BOD1L1: variants seen among roughly 807,000 people sequenced by gnomAD.
The protein encoded by BOD1L1 is biorientation of chromosomes in cell division 1 like 1, also known as biorientation of chromosomes in cell division protein 1-like 1.
Under a neutral mutation model 240.7 loss-of-function variants are expected in BOD1L1, and 86 were observed. The ratio of observed to expected loss-of-function variants is 0.36; its 90% CI spans 0.30 to 0.43. The LOEUF (loss-of-function observed/expected upper bound fraction) is 0.43. Among genes scored for constraint, BOD1L1 ranks in the 20% least tolerant of loss-of-function variants. The probability of loss-of-function intolerance (pLI) is 1.00; values close to 1 mark genes in which losing one functional copy is unlikely to be tolerated. For synonymous variants in BOD1L1, 1,268 were observed against 1,272.3 expected (o/e 1.00, Z 0.07); for missense variants, 3,554 against 3,643.5 (o/e 0.98, Z 0.63).
At chr4:13,606,838 T>C (rs533871856) in intron 9 of BOD1L1, among the ~76,000 whole-genome samples, 1 of 152,270 alleles carries the variant, frequency 6.6e-6, no homozygotes, top group African/African-American at 2.4e-5. Context: ...TCCCTTTTTC[T>C]TTTTTTGTCA....
In BOD1L1 at chr4:13,582,659, T is replaced by A; in HGVS notation, c.8511A>T (p.Glu2837Asp). 6.2e-7 allele frequency: 1 copy of A among 1,610,424 alleles called. No individual in the cohort carries two copies. The highest frequency in any genetic ancestry group is 8.5e-7 in the Non-Finnish European group (1 of 1,176,962). Residue 2837 changes from glutamate to aspartate, a missense_variant, in exon 18 of 26, where the codon GAA becomes GAT. Glu to Asp is a conservative substitution (Grantham distance 45). Around this residue, in one of 2 missense-constraint regions of BOD1L1, gnomAD observed 3,393 missense variants for 3,427.1 expected, o/e 0.99. Coordinates refer to ENST00000040738, the MANE Select transcript of BOD1L1 (RefSeq NM_148894.3). ...ETNSTTSRVM[E>D]EKDEYSSSET... The stretch of plus-strand genomic sequence containing the variant: ...AGCAGATATTTTACTCACCTTTTTC[T>A]TCCATGACCCTTGAGGTAGTGCTAT...
At chr4:13,576,750 G>T in intron 25 of BOD1L1, 88 bp downstream of exon 25, 1 of 1,481,420 alleles carries the variant, frequency 6.8e-7, no homozygotes, top group South Asian at 1.3e-5. Context: ...GAATGATTCA[G>T]TTCAAAGAGA....
At position 13,627,600 on chromosome 4, in the gene BOD1L1, C is replaced by A; in HGVS notation, c.-13G>T. 8.7e-7 allele frequency: 1 copy of A among 1,148,818 alleles called. No individual in the cohort carries two copies. The allele number at this position is 1,148,818 out of a possible 1,614,324, so 71.2% of individuals were successfully genotyped here. A position where few individuals can be genotyped will look rare whatever the true frequency, so the allele number is the denominator to read the frequency against. ...GGTTGGTGGCCATGGTGGCCTGTGCCGGGGAGGGCAAGGGCCCTGACCGGC... is the reference window on the plus strand; with the variant it reads ...GGTTGGTGGCCATGGTGGCCTGTGCAGGGGAGGGCAAGGGCCCTGACCGGC... On this transcript the variant is annotated 5_prime_UTR_variant, in exon 1 of 26. Coordinates refer to ENST00000040738, the MANE Select transcript of BOD1L1 (RefSeq NM_148894.3).
chr4:13,586,407 G>A lies in BOD1L1; in HGVS notation c.8422C>T (p.His2808Tyr), dbSNP rs777221447. 2.5e-6 allele frequency: 4 copies of A among 1,610,834 alleles called. No homozygotes were observed. In the African/African-American group the frequency reaches 4.0e-5, roughly 16 times the overall value. The change falls in exon 17 of 26, where the codon CAT becomes TAT. Residue 2808 changes from histidine to tyrosine, a missense_variant. Physicochemically the swap from His to Tyr is moderately conservative, Grantham distance 83. Around this residue, in one of 2 missense-constraint regions of BOD1L1, gnomAD observed 3,393 missense variants for 3,427.1 expected, o/e 0.99. Coordinates refer to ENST00000040738, the MANE Select transcript of BOD1L1 (RefSeq NM_148894.3). ...AQRQCPETEPHDTKEENSRDL... is the reference protein window; with the variant it reads ...AQRQCPETEPYDTKEENSRDL... ...TGTGGAAAAAATACCTTTGTGTCAT[G>A]TGGCTCCGTTTCAGGACACTGCCTT...
chr4:13,600,010 G>T lies in BOD1L1; in HGVS notation c.6890C>A (p.Thr2297Asn). 2 of 1,610,336 alleles carry T rather than the reference G, an allele frequency of 1.2e-6. No individual in the cohort carries two copies. The highest frequency in any genetic ancestry group is 1.7e-6 in the Non-Finnish European group (2 of 1,178,192). The change falls in exon 10 of 26, where the codon ACC becomes AAC. Residue 2297 changes from threonine to asparagine, a missense_variant. Physicochemically the swap from Thr to Asn is moderately conservative, Grantham distance 65 (BLOSUM62 0). Transcript: ENST00000040738. ...MGDTAMISTS[T>N]SEGCEAVMIG... ...CATGACTGCTTCACACCCTTCAGAG[G>T]TGCTTGTGGAAATCATGGCGGTGTC... is the stretch of plus-strand genomic sequence containing the variant.
chr4:13,604,407 C>A lies in BOD1L1; in HGVS notation c.2493G>T (p.Leu831Phe). 6.3e-7 allele frequency: 1 copy of A among 1,575,754 alleles called. No individual in the cohort carries two copies. The highest frequency in any genetic ancestry group is 8.5e-7 in the Non-Finnish European group (1 of 1,170,318). ...GCTCTGCCTTAGTTTTTTCAGCTGA[C>A]AAGCGTCTCTCTTTTTTGTTGTTTT... The part of the protein sequence containing the change: ...RKENNKKERR[L>F]SAEKTKAEHK... Residue 831 changes from leucine to phenylalanine, a missense_variant, in exon 10 of 26, where the codon TTG (leucine) becomes TTT (phenylalanine). Leu to Phe is a conservative substitution (Grantham distance 22). Coordinates refer to ENST00000040738, the MANE Select transcript of BOD1L1 (RefSeq NM_148894.3).
chr4:13,602,891 C>A lies in BOD1L1; in HGVS notation c.4009G>T (p.Val1337Phe). The A allele has an allele frequency of 6.2e-7, 1 of 1,614,028 alleles. No homozygotes were observed. The highest frequency in any genetic ancestry group is 8.5e-7 in the Non-Finnish European group (1 of 1,179,892). Reference protein sequence around the residue: ...NQSLTVRESEVLKTSDSKEGG... With the variant: ...NQSLTVRESEFLKTSDSKEGG... ...TCTTTGCTGTCACTTGTCTTAAGGACTTCTGATTCCCTAACAGTCAGACTT... is the reference window on the plus strand; with the variant it reads ...TCTTTGCTGTCACTTGTCTTAAGGAATTCTGATTCCCTAACAGTCAGACTT... Residue 1337 changes from valine to phenylalanine, a missense_variant, in exon 10 of 26, where the codon GTC becomes TTC. Physicochemically the swap from Val to Phe is conservative, Grantham distance 50 (BLOSUM62 -1). This residue lies in a region of BOD1L1 where 3,393 missense variants were observed against 3,427.1 expected (regional missense o/e 0.99). Coordinates refer to ENST00000040738, the MANE Select transcript of BOD1L1 (RefSeq NM_148894.3).
intron 2 of BOD1L1, among the ~76,000 whole-genome samples, chr4:13,617,043 G>T (rs1033166759): frequency 2.0e-5 from 3 of 151,996 alleles, no homozygotes; most frequent in African/African-American, 7.2e-5. Flanking sequence ...TCAGGAGATC[G>T]AGACCATCCT....
Position 13,577,421 on chromosome 4 carries a change from T to C in BOD1L1, c.8866A>G (p.Thr2956Ala). 1 of 1,613,596 alleles carries C rather than the reference T, an allele frequency of 6.2e-7. No homozygotes were observed. Among genetic ancestry groups the C allele is most frequent in the Non-Finnish European group, 8.5e-7 (1 of 1,179,648 alleles). ...AACATACCAGCATCATCTGATACAG[T>C]GAGAGAACGTTTGGGTTTTCTTCCT... ...RRGRKPKRSL[T>A]VSDDAESSEP... Residue 2956 changes from threonine to alanine, a missense_variant, in exon 24 of 26, where the codon ACT (threonine) becomes GCT (alanine). By Grantham distance (58) the Thr-to-Ala change is moderately conservative. Transcript: ENST00000040738.
chr4:13,607,710 CTGTT>C (rs1715825728), intron 8 of BOD1L1, among the ~76,000 whole-genome samples: 1 of 152,202 alleles, frequency 6.6e-6, no homozygotes, highest in Non-Finnish European at 1.5e-5. Flanking sequence ...ATAGCATTAA[CTGTT>C]CTTGGTGCTA....
Position 13,602,147 on chromosome 4 carries a change from CAG to C in BOD1L1, c.4751_4752del (p.Thr1584SerfsTer6). 1 of 1,613,988 alleles carries C rather than the reference CAG, an allele frequency of 6.2e-7. No individual in the cohort carries two copies. The highest frequency in any genetic ancestry group is 8.5e-7 in the Non-Finnish European group (1 of 1,179,876). Reference sequence around the variant, plus strand: ...CCACCTTCTTCAGCTGCAGCAAAAACAGTGCATTCACTGGCTTCTGCACCAAC... The same window carrying C: ...CCACCTTCTTCAGCTGCAGCAAAAACTGCATTCACTGGCTTCTGCACCAAC... ...LHVGAEASEC[T>X]VFAAAEEGGA... On this transcript the variant is annotated frameshift_variant, in exon 10 of 26. Transcript: ENST00000040738. LOFTEE classifies it high-confidence loss of function.
intron 1 of BOD1L1, among the ~76,000 whole-genome samples, chr4:13,622,451 C>G (rs1717106396): frequency 6.6e-6 from 1 of 152,130 alleles, no homozygotes; most frequent in African/African-American, 2.4e-5. Context: ...CACATATATA[C>G]ACACACACAT....
At position 13,601,625 on chromosome 4, in the gene BOD1L1, C is replaced by T. The variant is rs1399124146; in HGVS notation, c.5275G>A (p.Gly1759Ser). The change falls in exon 10 of 26, where the codon GGT (glycine) becomes AGT (serine). Residue 1759 changes from glycine to serine, a missense_variant. By Grantham distance (56) the Gly-to-Ser change is moderately conservative. Around this residue, in one of 2 missense-constraint regions of BOD1L1, gnomAD observed 3,393 missense variants for 3,427.1 expected, o/e 0.99. Coordinates refer to ENST00000040738, the MANE Select transcript of BOD1L1 (RefSeq NM_148894.3). The stretch of plus-strand genomic sequence containing the variant: ...GCATCATTATCTCCCAGGACAACAC[C>T]TGCACCTGTAACCATGCGTTCCTCC... The part of the protein sequence containing the change: ...PREERMVTGA[G>S]VVLGDNDAPP... 1.9e-6 allele frequency: 3 copies of T among 1,613,882 alleles called. No homozygotes were observed. The highest frequency in any genetic ancestry group is 1.7e-6 in the Non-Finnish European group (2 of 1,179,908).
chr4:13,585,753 G>C (rs1713628239), intron 17 of BOD1L1, among the ~76,000 whole-genome samples: 1 of 152,122 alleles, frequency 6.6e-6, no homozygotes. Context: ...CGGGGGGCAG[G>C]TTTGTCCTGT....
chr4:13,594,115 A>G (rs551590111), intron 12 of BOD1L1, among the ~76,000 whole-genome samples: 1 of 152,332 alleles, frequency 6.6e-6, no homozygotes, highest in Admixed American at 6.5e-5. Context: ...AGCTATCTGC[A>G]TCCTCTTGGA....
chr4:13,593,215 A>G (rs1714355643), intron 12 of BOD1L1: 1 of 152,162 alleles, frequency 6.6e-6, no homozygotes, highest in South Asian at 2.1e-4. Flanking sequence ...CTTAACCTGT[A>G]TATTCTTTGA....
intron 16 of BOD1L1, 56 bp from the exon 17 acceptor site, chr4:13,586,531 A>C: frequency 8.3e-7 from 1 of 1,198,490 alleles, no homozygotes; most frequent in South Asian, 1.3e-5. Context: ...GAAAAATGAA[A>C]TGCATAGTTC....
chr4:13,608,656 A>G lies in BOD1L1; in HGVS notation c.1616T>C (p.Val539Ala). The G allele has an allele frequency of 6.6e-7, 1 of 1,508,650 alleles. No individual in the cohort carries two copies. Among genetic ancestry groups the G allele is most frequent in the South Asian group, 1.4e-5 (1 of 72,798 alleles). The allele number at this position is 1,508,650 out of a possible 1,614,324, so 93.5% of individuals were successfully genotyped here. ...SKTKGQGRSSVDLEESSTKSL... is the reference protein window; with the variant it reads ...SKTKGQGRSSADLEESSTKSL... ...CTTTGTTGATGATTCTTCTAAGTCCACACTACTCCTGCCTAGAAAAGAAGC... is the reference window on the plus strand; with the variant it reads ...CTTTGTTGATGATTCTTCTAAGTCCGCACTACTCCTGCCTAGAAAAGAAGC... The change falls in exon 8 of 26, where the codon GTG (valine) becomes GCG (alanine). Residue 539 changes from valine to alanine, a missense_variant. Around this residue, in one of 2 missense-constraint regions of BOD1L1, gnomAD observed 3,393 missense variants for 3,427.1 expected, o/e 0.99. Coordinates refer to ENST00000040738, the MANE Select transcript of BOD1L1 (RefSeq NM_148894.3).
At position 13,614,357 on chromosome 4, in the gene BOD1L1, T is replaced by TTTTC; in HGVS notation, c.1009_1012dup (p.Lys338ArgfsTer7). Reference sequence around the variant, plus strand: ...AAATTTCTTTTCAGTCTTTTCCTTCTTTTCTTTCTTTCTTTCTCCTTTCTC... The same window carrying TTTTC: ...AAATTTCTTTTCAGTCTTTTCCTTCTTTTCTTTCTTTCTTTCTTTCTCCTTTCTC... On this transcript the variant is annotated frameshift_variant, in exon 4 of 26. Transcript: ENST00000040738. LOFTEE classifies it high-confidence loss of function. 2 of 1,551,548 alleles carry TTTTC rather than the reference T, an allele frequency of 1.3e-6. No individual in the cohort carries two copies. The highest frequency in any genetic ancestry group is 1.7e-6 in the Non-Finnish European group (2 of 1,147,008).
Sources: gnomAD v4.1 joint callset for allele counts (sites outside exome capture counted in the v4.1 genomes callset) on GRCh38, gnomAD v4.1.1 for gene constraint, gnomAD v4.1.1 regional missense constraint, MANE v1.5 for transcripts, NCBI Gene and HGNC (gene_info 2026-07-23, HGNC 2026-07-21) for gene names.